KDM6A: variants seen among roughly 807,000 people sequenced by gnomAD.
KDM6A encodes lysine demethylase 6A.
In KDM6A, 11 loss-of-function variants were observed where a neutral mutation model predicts 117.6. The observed-to-expected ratio is 0.09, with a 90% CI of 0.06 to 0.15. The LOEUF (loss-of-function observed/expected upper bound fraction) is 0.15, where lower values mean the gene tolerates loss of function less well. Among genes scored for constraint, KDM6A ranks in the 10% least tolerant of loss-of-function variants. KDM6A has a pLI of 1.00. For synonymous variants in KDM6A, 384 were observed against 396.1 expected, an observed-to-expected ratio of 0.97 and a Z score of 0.36; for missense variants, 799 against 1,077.3, an observed-to-expected ratio of 0.74 and a Z score of 3.62.
intron 2 of KDM6A, among the ~76,000 whole-genome samples, chrX:44,955,736 C>T (rs1165653259): frequency 1.8e-5 from 2 of 110,998 alleles, no homozygotes; most frequent in African/African-American, 3.3e-5. Context: ...TTTAAAACTG[C>T]GTTGTCTTGA....
Position 45,034,981 on chromosome X carries a change from T to C in KDM6A, c.615T>C (p.Ala205=). Reference sequence around the variant, plus strand: ...GTAATCCCTGCACTTTGTCCAATGCTGAAAGTAAGTATTATTAAGTACTGT... The same window carrying C: ...GTAATCCCTGCACTTTGTCCAATGCCGAAAGTAAGTATTATTAAGTACTGT... The part of the protein sequence containing the change: ...VDCNPCTLSN[A]EIQFHIAHLY... The change falls in exon 7 of 30, where the codon GCT becomes GCC. Residue 205 remains alanine, a synonymous_variant. Transcript: ENST00000611820. The C allele has an allele frequency of 8.5e-7, 1 of 1,183,342 alleles. No homozygotes were observed. Among genetic ancestry groups the C allele is most frequent in the Non-Finnish European group, 1.2e-6 (1 of 869,519 alleles).
chrX:44,949,052 GATA>G (rs1295350073), intron 2 of KDM6A, among the ~76,000 whole-genome samples: 3 of 111,990 alleles, frequency 2.7e-5, no homozygotes, highest in African/African-American at 6.5e-5. Context: ...GTTTTGACAT[GATA>G]ATATATTAAA....
chrX:44,983,760 A>G (rs1427020940), intron 4 of KDM6A, among the ~76,000 whole-genome samples: 1 of 110,786 alleles, frequency 9.0e-6, no homozygotes, highest in South Asian at 3.8e-4. Flanking sequence ...TTATGGCTGC[A>G]TAGTATTCCA....
At chrX:44,878,905 A>G (rs1320983116) in intron 2 of KDM6A, among the ~76,000 whole-genome samples, 1 of 110,476 alleles carries the variant, frequency 9.1e-6, no homozygotes, top group Non-Finnish European at 1.9e-5. Flanking sequence ...TGTTTTTATT[A>G]GAGGTGGGGT....
intron 5 of KDM6A, 93 bp from the exon 6 acceptor site, chrX:45,020,517 A>G (rs2042130463): frequency 2.0e-5 from 18 of 917,992 alleles, no homozygotes; most frequent in Non-Finnish European, 6.2e-6. Flanking sequence ...CTTTAAAACA[A>G]TATTGCATAA....
intron 2 of KDM6A, among the ~76,000 whole-genome samples, chrX:44,960,944 A>G (rs2038636615): frequency 8.9e-6 from 1 of 111,958 alleles, no homozygotes; most frequent in African/African-American, 3.2e-5. Context: ...TATATTTGAG[A>G]GCAGTTTTGT....
At chrX:44,927,014 C>A (rs2036341318) in intron 2 of KDM6A, among the ~76,000 whole-genome samples, 2 of 111,434 alleles carry the variant, frequency 1.8e-5, no homozygotes, top group Admixed American at 1.9e-4. Flanking sequence ...ACATATGTAG[C>A]ACTTAGTGTC....
intron 2 of KDM6A, among the ~76,000 whole-genome samples, chrX:44,928,745 A>G (rs1033529603): frequency 9.0e-6 from 1 of 110,790 alleles, no homozygotes; most frequent in Non-Finnish European, 1.9e-5. Flanking sequence ...CTACCTTTTT[A>G]TGTCAGCAGC....
chrX:44,901,412 T>C (rs1478387604), intron 2 of KDM6A, among the ~76,000 whole-genome samples: 3 of 110,954 alleles, frequency 2.7e-5, no homozygotes, highest in African/African-American at 9.9e-5. Flanking sequence ...ACGTGGTTTG[T>C]CACGGATAGT....
intron 2 of KDM6A, among the ~76,000 whole-genome samples, chrX:44,892,607 G>A (rs143083581): frequency 0.022 from 2,492 of 111,592 alleles, 33 homozygotes; most frequent in Middle Eastern, 0.046. Context: ...CAGGAGAATG[G>A]CGTGAACCCG....
chrX:44,987,732 G>A (rs1191399171), intron 4 of KDM6A, among the ~76,000 whole-genome samples: 1 of 111,507 alleles, frequency 9.0e-6, no homozygotes, highest in Non-Finnish European at 1.9e-5. Context: ...GTTGAATATT[G>A]GCCTCCACTC....
chrX:45,077,068 A>G (rs887516430), intron 19 of KDM6A, among the ~76,000 whole-genome samples: 10 of 110,286 alleles, frequency 9.1e-5, no homozygotes, highest in Admixed American at 6.8e-4. Context: ...TTATTGCCCT[A>G]ATTTTGAGCA....
intron 2 of KDM6A, among the ~76,000 whole-genome samples, chrX:44,943,088 TG>T (rs1223853983): frequency 9.0e-6 from 1 of 111,704 alleles, no homozygotes; most frequent in Non-Finnish European, 1.9e-5. Context: ...TACTATTTTT[TG>T]CTTTAAACAG....
chrX:45,012,197 A>ATTTTTTTTTTTTTTTTTTTT (rs760991442), intron 5 of KDM6A, among the ~76,000 whole-genome samples: 2 of 69,070 alleles, frequency 2.9e-5, no homozygotes, highest in African/African-American at 1.3e-4. Flanking sequence ...CCCAATGTAG[A>ATTTTTTTTTTTTTTTTTTTT]TTTTTTTTTT....
intron 25 of KDM6A, among the ~76,000 whole-genome samples, chrX:45,088,221 C>T (rs2045730929): frequency 8.9e-6 from 1 of 112,299 alleles, no homozygotes; most frequent in African/African-American, 3.2e-5. Flanking sequence ...CCTTGTCACA[C>T]ACAATAAGCC....
intron 2 of KDM6A, among the ~76,000 whole-genome samples, chrX:44,947,751 A>C (rs1410133881): frequency 1.8e-5 from 2 of 111,599 alleles, no homozygotes; most frequent in East Asian, 5.6e-4. Context: ...ACAGTTTTAA[A>C]ATAACATTTA....
At chrX:45,087,065 A>G (rs961034657) in intron 25 of KDM6A, among the ~76,000 whole-genome samples, 7 of 112,891 alleles carry the variant, frequency 6.2e-5, no homozygotes, top group Non-Finnish European at 1.3e-4. Context: ...ATCTCAGCTT[A>G]CTGCAGCCTC....
chrX:44,874,894 A>T (rs1294174987), intron 2 of KDM6A, among the ~76,000 whole-genome samples: 1 of 111,656 alleles, frequency 9.0e-6, no homozygotes, highest in Admixed American at 9.5e-5. Flanking sequence ...ATTACCCAAG[A>T]TTATTTGCAT....
At chrX:45,082,115 G>A (rs1483124028) in intron 21 of KDM6A, among the ~76,000 whole-genome samples, 1 of 108,817 alleles carries the variant, frequency 9.2e-6, no homozygotes, top group African/African-American at 3.3e-5. Context: ...GGTGTTTGAA[G>A]AAATTTTCAT....
Sources: allele counts gnomAD v4.1 joint callset (sites outside exome capture counted in the v4.1 genomes callset), GRCh38; gene constraint gnomAD v4.1.1; transcripts MANE v1.5; gene names NCBI Gene and HGNC (gene_info 2026-07-23, HGNC 2026-07-21).